The following GNAQ variants were observed in gnomAD, a reference collection of about 807,000 sequenced individuals.
GNAQ encodes the protein guanine nucleotide-binding protein G(q) subunit alpha.
Under a neutral mutation model 43.9 loss-of-function variants are expected in GNAQ, and 8 were observed. The observed-to-expected ratio is 0.18, with a 90% CI of 0.11 to 0.33. The LOEUF is 0.33. Ranked by LOEUF, GNAQ falls within the 10% of genes least tolerant of loss-of-function variation. GNAQ has a pLI of 1.00. For synonymous variants in GNAQ, 155 were observed against 170.7 expected (o/e 0.91, Z 0.71); for missense variants, 158 against 450.8 (o/e 0.35, Z 5.88).
At chr9:77,727,548 A>G (rs1484865099) in intron 6 of GNAQ, among the ~76,000 whole-genome samples, 6 of 152,212 alleles carry the variant, frequency 3.9e-5, no homozygotes, top group South Asian at 2.1e-4. Context: ...ATAGATTCTA[A>G]GTGCTGCACA....
chr9:77,888,395 T>C (rs1043920577), intron 2 of GNAQ, among the ~76,000 whole-genome samples: 1 of 152,180 alleles, frequency 6.6e-6, no homozygotes, highest in African/African-American at 2.4e-5. Flanking sequence ...ACCTTCAAAA[T>C]TAGTGTTCCC....
At chr9:77,762,592 A>C (rs1167600869) in intron 5 of GNAQ, among the ~76,000 whole-genome samples, 1 of 149,888 alleles carries the variant, frequency 6.7e-6, no homozygotes, top group African/African-American at 2.4e-5. Flanking sequence ...CCCATCTGGG[A>C]GGTGTGACCA....
At chr9:77,828,050 ACTC>A (rs765894307) in intron 2 of GNAQ, among the ~76,000 whole-genome samples, 11 of 110,334 alleles carry the variant, frequency 1.0e-4, no homozygotes, top group African/African-American at 3.0e-4. Flanking sequence ...ACAGAGTGAG[ACTC>A]CTCCTCAAAA....
intron 2 of GNAQ, among the ~76,000 whole-genome samples, chr9:77,919,692 A>T (rs1828967236): frequency 6.6e-6 from 1 of 152,238 alleles, no homozygotes; most frequent in African/African-American, 2.4e-5. Flanking sequence ...AGGTGGTTAA[A>T]CATGGGAAAC....
intron 1 of GNAQ, among the ~76,000 whole-genome samples, chr9:77,965,413 G>C (rs570515760): frequency 1.3e-5 from 2 of 152,036 alleles, no homozygotes; most frequent in African/African-American, 4.8e-5. Flanking sequence ...AAAAGACACT[G>C]AAAGAATAAA....
At chr9:77,735,738 A>G (rs1825568844) in intron 5 of GNAQ, among the ~76,000 whole-genome samples, 3 of 152,322 alleles carry the variant, frequency 2.0e-5, no homozygotes, top group Middle Eastern at 6.8e-3. Context: ...CTGTATGGAA[A>G]TGTGCTCCAG....
chr9:77,975,694 C>T (rs1340993365), intron 1 of GNAQ, among the ~76,000 whole-genome samples: 4 of 152,066 alleles, frequency 2.6e-5, no homozygotes, highest in Admixed American at 2.0e-4. Context: ...CGCACACCAC[C>T]ATGCCCAGCT....
intron 1 of GNAQ, among the ~76,000 whole-genome samples, chr9:77,924,953 C>A (rs1829047912): frequency 6.6e-6 from 1 of 151,684 alleles, no homozygotes; most frequent in South Asian, 2.1e-4. Flanking sequence ...AACCAGAGAG[C>A]GGGACAAACA....
chr9:78,011,849 G>T (rs547428308), intron 1 of GNAQ, among the ~76,000 whole-genome samples: 6 of 152,150 alleles, frequency 3.9e-5, no homozygotes, highest in African/African-American at 1.2e-4. Flanking sequence ...AATGATTGGT[G>T]TACCTAAAGA....
intron 1 of GNAQ, among the ~76,000 whole-genome samples, chr9:78,027,696 A>G (rs11145658): frequency 0.024 from 3,558 of 151,204 alleles, 73 homozygotes; most frequent in Non-Finnish European, 0.037. Flanking sequence ...GGTTGCAGTG[A>G]AGTGAGGTCG....
At chr9:77,962,318 A>T (rs1019302296) in intron 1 of GNAQ, among the ~76,000 whole-genome samples, 2 of 152,118 alleles carry the variant, frequency 1.3e-5, no homozygotes, top group African/African-American at 2.4e-5. Flanking sequence ...CTATTGATCT[A>T]AGACCCTCAA....
chr9:77,998,227 C>G (rs1402475321), intron 1 of GNAQ, among the ~76,000 whole-genome samples: 2 of 152,186 alleles, frequency 1.3e-5, no homozygotes, highest in African/African-American at 4.8e-5. Flanking sequence ...ACAGTTCACC[C>G]GCAAGAGCAG....
chr9:77,939,224 T>C (rs976018237), intron 1 of GNAQ, among the ~76,000 whole-genome samples: 7 of 152,220 alleles, frequency 4.6e-5, no homozygotes, highest in Admixed American at 4.6e-4. Flanking sequence ...ACATTTACAG[T>C]CTTTTATAGC....
At chr9:77,891,952 T>G (rs1828411211) in intron 2 of GNAQ, among the ~76,000 whole-genome samples, 1 of 152,190 alleles carries the variant, frequency 6.6e-6, no homozygotes, top group Non-Finnish European at 1.5e-5. Context: ...AGATGAGAAA[T>G]AAGCCTTTAA....
In GNAQ at chr9:77,718,003, A is replaced by G. The variant is rs2118178984; in HGVS notation, c.*3320T>C. On this transcript the variant is annotated 3_prime_UTR_variant, in exon 7 of 7. Transcript: ENST00000286548. ...GCATAGTAGAAACTTCCAATTTACA[A>G]ATAAGGAATTCTCTGGGGGTTAGAA... The G allele has an allele frequency of 4.3e-6, 1 of 232,964 alleles. No individual in the cohort carries two copies. Among genetic ancestry groups the G allele is most frequent in the East Asian group, 6.0e-5 (1 of 16,538 alleles). 14.4% of individuals were successfully genotyped at this position (232,964 alleles called of 1,614,324 possible). A position where few individuals can be genotyped will look rare whatever the true frequency, so the allele number is the denominator to read the frequency against.
chr9:77,992,004 T>C (rs980216294), intron 1 of GNAQ, among the ~76,000 whole-genome samples: 3 of 152,192 alleles, frequency 2.0e-5, no homozygotes, highest in Admixed American at 6.5e-5. Flanking sequence ...ATTTTTGCAA[T>C]TGCAAATTGT....
At chr9:77,960,971 T>C (rs1823100534) in intron 1 of GNAQ, among the ~76,000 whole-genome samples, 1 of 152,230 alleles carries the variant, frequency 6.6e-6, no homozygotes, top group East Asian at 1.9e-4. Context: ...ATATCTTTAA[T>C]ACATTTCATT....
At chr9:77,747,109 T>C (rs1166946382) in intron 5 of GNAQ, among the ~76,000 whole-genome samples, 1 of 152,008 alleles carries the variant, frequency 6.6e-6, no homozygotes, top group Non-Finnish European at 1.5e-5. Context: ...ATGGGGGAGG[T>C]AGAGTGGAAA....
chr9:77,827,362 C>T (rs1369087736), intron 2 of GNAQ, among the ~76,000 whole-genome samples: 2 of 134,152 alleles, frequency 1.5e-5, no homozygotes, highest in Admixed American at 1.6e-4. Context: ...TGAAATCAAA[C>T]CAAATCCATG....
Sources: gnomAD v4.1 joint callset for allele counts (sites outside exome capture counted in the v4.1 genomes callset) on GRCh38, gnomAD v4.1.1 for gene constraint, MANE v1.5 for transcripts, NCBI Gene and HGNC (gene_info 2026-07-23, HGNC 2026-07-21) for gene names.